The following ZDHHC14 variants were observed in gnomAD, a reference collection of about 807,000 sequenced individuals.
ZDHHC14 encodes palmitoyltransferase ZDHHC14.
In ZDHHC14, 16 loss-of-function variants were observed where a neutral mutation model predicts 47.7. The observed-to-expected ratio is 0.34, with a 90% CI of 0.23 to 0.51. The LOEUF is 0.51. ZDHHC14 is among the 20% of genes least tolerant of loss of function. The probability of loss-of-function intolerance (pLI) is 0.97; values close to 1 mark genes in which losing one functional copy is unlikely to be tolerated. For synonymous variants in ZDHHC14, 293 were observed against 278.9 expected (o/e 1.05, Z -0.50); for missense variants, 515 against 662.5 (o/e 0.78, Z 2.44).
intron 1 of ZDHHC14, among the ~76,000 whole-genome samples, chr6:157,476,468 A>G (rs1377635704): frequency 6.6e-6 from 1 of 152,206 alleles, no homozygotes; most frequent in East Asian, 1.9e-4. Context: ...GCTGAATTCT[A>G]CCTAACATTT....
At chr6:157,659,803 A>C (rs1562534805) in intron 8 of ZDHHC14, among the ~76,000 whole-genome samples, 1 of 152,236 alleles carries the variant, frequency 6.6e-6, no homozygotes, top group Non-Finnish European at 1.5e-5. Flanking sequence ...ATATAGTTAG[A>C]GCTCAAAATC....
In ZDHHC14 at chr6:157,672,708, G is replaced by T. The variant is rs755829868; in HGVS notation, c.1069-16G>T. 18 of 1,600,718 alleles carry T rather than the reference G, an allele frequency of 1.1e-5. No individual in the cohort carries two copies. In the African/African-American group the frequency reaches 2.3e-4, roughly 21 times the overall value. ...TCCTCTCCACCTTCTCTTTGCTGGC[G>T]CCTCCCGCTCTCCAGTGCGACCAAG... On this transcript the variant is annotated splice_polypyrimidine_tract_variant and intron_variant, in intron 8 of 8. Transcript: ENST00000359775.
chr6:157,669,504 T>C (rs1050716991), intron 8 of ZDHHC14, among the ~76,000 whole-genome samples: 1 of 152,184 alleles, frequency 6.6e-6, no homozygotes, highest in East Asian at 1.9e-4. Flanking sequence ...CTGTGTGACC[T>C]TGACTGTCTC....
chr6:157,644,531 C>T (rs1156325095), intron 5 of ZDHHC14, among the ~76,000 whole-genome samples: 1 of 152,192 alleles, frequency 6.6e-6, no homozygotes, highest in Non-Finnish European at 1.5e-5. Context: ...GGCAGAAGCC[C>T]ATTCACTCCT....
intron 1 of ZDHHC14, among the ~76,000 whole-genome samples, chr6:157,431,102 C>T (rs570561856): frequency 6.6e-6 from 1 of 152,278 alleles, no homozygotes; most frequent in African/African-American, 2.4e-5. Flanking sequence ...GTGAAAGGAA[C>T]GTGAGTGTGG....
chr6:157,490,739 G>C (rs1779894167), intron 1 of ZDHHC14, among the ~76,000 whole-genome samples: 2 of 152,156 alleles, frequency 1.3e-5, no homozygotes, highest in Non-Finnish European at 2.9e-5. Flanking sequence ...GAAGAAGCGG[G>C]GAGGGCAGGA....
chr6:157,441,946 G>A (rs922013117), intron 1 of ZDHHC14, among the ~76,000 whole-genome samples: 2 of 152,224 alleles, frequency 1.3e-5, no homozygotes, highest in African/African-American at 2.4e-5. Context: ...TTTAGCATTA[G>A]CATTACAGTT....
intron 1 of ZDHHC14, among the ~76,000 whole-genome samples, chr6:157,507,057 T>C (rs905911694): frequency 2.6e-5 from 4 of 152,204 alleles, no homozygotes; most frequent in African/African-American, 7.2e-5. Context: ...GTAATATGTA[T>C]GTACTTCTCT....
chr6:157,656,706 CAAAAAAAAAAAACA>C (rs201327705), intron 8 of ZDHHC14, among the ~76,000 whole-genome samples: 31,013 of 129,216 alleles, frequency 0.24, 4,024 homozygotes, highest in East Asian at 0.57. Context: ...TTGAAGATAC[CAAAAAAAAAAAACA>C]AAAAAAAAAA....
chr6:157,630,983 C>T (rs931355055), intron 4 of ZDHHC14: 1 of 57,006 alleles, frequency 1.8e-5, no homozygotes, highest in African/African-American at 5.4e-5. Context: ...CCCACACTCA[C>T]ACACACCCTT....
Position 157,477,435 on chromosome 6 carries a change from A to G in ZDHHC14, c.246-65150A>G, listed in dbSNP as rs112492176. Among the ~76,000 whole-genome samples, 284 of 152,326 alleles carry G rather than the reference A, an allele frequency of 1.9e-3. 2 individuals are homozygous for G. Among genetic ancestry groups the G allele is most frequent in the African/African-American group, 6.2e-3 (258 of 41,586 alleles). The stretch of plus-strand genomic sequence containing the variant: ...AAAATAAGTTGTTGTTTGTGCAGAC[A>G]TTATCTTAAATATAGATAACCCTCA... On this transcript the variant is annotated intron_variant, in intron 1 of 8. Coordinates refer to ENST00000359775, the MANE Select transcript of ZDHHC14 (RefSeq NM_024630.3).
intron 8 of ZDHHC14, among the ~76,000 whole-genome samples, chr6:157,661,949 A>G (rs984262844): frequency 2.0e-5 from 3 of 152,034 alleles, no homozygotes; most frequent in Admixed American, 6.6e-5. Flanking sequence ...TCAGCCTCCC[A>G]GGTAGCTGGA....
At chr6:157,494,750 A>T (rs1484621447) in intron 1 of ZDHHC14, among the ~76,000 whole-genome samples, 1 of 152,250 alleles carries the variant, frequency 6.6e-6, no homozygotes, top group East Asian at 1.9e-4. Flanking sequence ...AAAGGGAGAC[A>T]ATGATAAATT....
chr6:157,664,082 C>T (rs1778452631), intron 8 of ZDHHC14, among the ~76,000 whole-genome samples: 1 of 152,234 alleles, frequency 6.6e-6, no homozygotes, highest in South Asian at 2.1e-4. Context: ...GTCCCCACAA[C>T]CCATTATCCT....
chr6:157,426,682 G>C (rs2114776194), intron 1 of ZDHHC14, among the ~76,000 whole-genome samples: 1 of 152,304 alleles, frequency 6.6e-6, no homozygotes. Flanking sequence ...GGGGATGCTG[G>C]AGGAAAACAG....
chr6:157,383,731 C>T (rs1384926767), intron 1 of ZDHHC14, among the ~76,000 whole-genome samples: 1 of 152,180 alleles, frequency 6.6e-6, no homozygotes, highest in Non-Finnish European at 1.5e-5. Context: ...TTCCCGGGTC[C>T]CCCTTGATGT....
chr6:157,468,211 C>T (rs1273864574), intron 1 of ZDHHC14, among the ~76,000 whole-genome samples: 2 of 152,196 alleles, frequency 1.3e-5, no homozygotes, highest in Admixed American at 1.3e-4. Context: ...GAGGGAGCCT[C>T]AGGCAAAGTT....
chr6:157,489,846 G>A (rs190762939), intron 1 of ZDHHC14, among the ~76,000 whole-genome samples: 2 of 152,336 alleles, frequency 1.3e-5, no homozygotes, highest in African/African-American at 2.4e-5. Flanking sequence ...ATGGCTCACT[G>A]CTATGGGAGT....
intron 5 of ZDHHC14, among the ~76,000 whole-genome samples, chr6:157,643,049 C>A (rs977644377): frequency 2.0e-5 from 3 of 152,236 alleles, no homozygotes; most frequent in Non-Finnish European, 4.4e-5. Flanking sequence ...ATTTCTCAAG[C>A]AAATTACTTC....
Sources: allele counts gnomAD v4.1 joint callset (sites outside exome capture counted in the v4.1 genomes callset), GRCh38; gene constraint gnomAD v4.1.1; transcripts MANE v1.5; gene names NCBI Gene and HGNC (gene_info 2026-07-23, HGNC 2026-07-21).